Variants in BLTP2 observed in about 807,000 individuals in gnomAD.
The protein encoded by BLTP2 is U937-associated antigen.
At chr17:28,619,281 T>TA in the BLTP2 span, among the ~76,000 whole-genome samples, 161 of 145,964 alleles carry the variant, frequency 1.1e-3, no homozygotes, top group Non-Finnish European at 1.6e-3. Flanking sequence ...TCAGGTTCAT[T>TA]AAAAAAAAAA....
At chr17:28,633,851 C>T in the BLTP2 span, 2 of 1,607,562 alleles carry the variant, frequency 1.2e-6, no homozygotes, top group South Asian at 1.1e-5. Context: ...TTTCACCCAT[C>T]ACAAACGTCC....
At chr17:28,639,369 A>G in the BLTP2 span, 2 of 1,614,142 alleles carry the variant, frequency 1.2e-6, no homozygotes, top group East Asian at 2.2e-5. Flanking sequence ...TTCCAGTGCT[A>G]GCAGGTGCAG....
the BLTP2 span, chr17:28,631,797 A>G: frequency 6.2e-7 from 1 of 1,609,664 alleles, no homozygotes; most frequent in Non-Finnish European, 8.5e-7. Context: ...GATAGGAGAA[A>G]TGAAAGGAGT....
chr17:28,616,802 C>T, the BLTP2 span: 1 of 1,612,512 alleles, frequency 6.2e-7, no homozygotes, highest in Non-Finnish European at 8.5e-7. This position sits in a 1 kb window ranked among gnomAD's most constrained non-coding sequence, Gnocchi z 4.8. Context: ...ATACCATCAT[C>T]AGTTTACCTA....
At chr17:28,627,055 C>T in the BLTP2 span, among the ~76,000 whole-genome samples, 1 of 152,174 alleles carries the variant, frequency 6.6e-6, no homozygotes, top group African/African-American at 2.4e-5. Flanking sequence ...CAGAATTGAA[C>T]TGAATTAGAG....
At chr17:28,637,855 A>C in the BLTP2 span, 8 of 1,614,070 alleles carry the variant, frequency 5.0e-6, no homozygotes, top group Non-Finnish European at 6.8e-6. Flanking sequence ...CAGAAAGGGT[A>C]AACAAGTTCA....
At chr17:28,633,740 G>C in the BLTP2 span, 2 of 1,613,446 alleles carry the variant, frequency 1.2e-6, no homozygotes, top group South Asian at 1.1e-5. Flanking sequence ...ACTGTGTACT[G>C]GAATATTTCC....
At chr17:28,644,140 T>C in the BLTP2 span, 1 of 1,614,224 alleles carries the variant, frequency 6.2e-7, no homozygotes, top group Non-Finnish European at 8.5e-7. Flanking sequence ...TAGCTCCGCC[T>C]GCAGCTTCCG....
chr17:28,621,180 G>A, the BLTP2 span: 2 of 1,611,752 alleles, frequency 1.2e-6, no homozygotes, highest in East Asian at 4.5e-5. Context: ...TCTGGGAAGA[G>A]GTGGGAAAGA....
the BLTP2 span, chr17:28,635,033 G>T: frequency 1.9e-6 from 3 of 1,613,490 alleles, no homozygotes; most frequent in Non-Finnish European, 8.5e-7. Context: ...GTCCCTTGAT[G>T]TAGTCCCTTC....
At chr17:28,621,703 A>G in the BLTP2 span, among the ~76,000 whole-genome samples, 1 of 152,052 alleles carries the variant, frequency 6.6e-6, no homozygotes, top group Non-Finnish European at 1.5e-5. Context: ...CTCCAACCCA[A>G]CTGAGTTACA....
At chr17:28,631,556 G>A in the BLTP2 span, 1 of 1,614,020 alleles carries the variant, frequency 6.2e-7, no homozygotes, top group Non-Finnish European at 8.5e-7. Context: ...GTTACCAAGG[G>A]ATCAAGACAG....
the BLTP2 span, chr17:28,633,299 C>A: frequency 6.2e-7 from 1 of 1,613,668 alleles, no homozygotes; most frequent in Non-Finnish European, 8.5e-7. Context: ...GCTGTTCTCA[C>A]GTTGATATCC....
At chr17:28,639,244 T>A in the BLTP2 span, 1 of 1,500,358 alleles carries the variant, frequency 6.7e-7, no homozygotes, top group Non-Finnish European at 9.3e-7. Context: ...TAACACAGGA[T>A]GCCAATTTGG....
the BLTP2 span, among the ~76,000 whole-genome samples, chr17:28,628,764 C>T: frequency 6.6e-6 from 1 of 152,086 alleles, no homozygotes; most frequent in African/African-American, 2.4e-5. Flanking sequence ...GAAACCCCAT[C>T]TCTACTAAAA....
chr17:28,634,586 GA>G, the BLTP2 span: 2 of 1,614,062 alleles, frequency 1.2e-6, no homozygotes, highest in Non-Finnish European at 1.7e-6. Flanking sequence ...CCCTCAGGGG[GA>G]AAAGGGCTGC....
chr17:28,614,868 C>G, the BLTP2 span: 3 of 566,350 alleles, frequency 5.3e-6, no homozygotes, highest in African/African-American at 1.9e-5. Flanking sequence ...GGCCCTGAGC[C>G]TGATCAGTGT....
At chr17:28,640,141 TC>T in the BLTP2 span, 1 of 1,180,774 alleles carries the variant, frequency 8.5e-7, no homozygotes, top group Non-Finnish European at 1.2e-6. Flanking sequence ...ACTCTTGTAA[TC>T]CCAGCCCTTT....
chr17:28,633,308 C>T, the BLTP2 span: 2 of 1,613,926 alleles, frequency 1.2e-6, no homozygotes, highest in African/African-American at 2.7e-5. Flanking sequence ...ACGTTGATAT[C>T]CAAGTCACCC....
Sources: gnomAD v4.1 joint callset for allele counts (sites outside exome capture counted in the v4.1 genomes callset) on GRCh38, gnomAD v4.1.1 for gene constraint, Gnocchi (gnomAD v3.1) non-coding constraint, MANE v1.5 for transcripts, NCBI Gene and HGNC (gene_info 2026-07-23, HGNC 2026-07-21) for gene names.